The following CSMD1 variants were observed in gnomAD, a reference collection of about 807,000 sequenced individuals.
CSMD1 encodes the protein CUB and Sushi multiple domains 1, also known as CUB and sushi domain-containing protein 1.
CSMD1 carries 213 observed loss-of-function variants against 417.5 expected under a neutral mutation model. The observed-to-expected ratio is 0.51, with a 90% confidence interval of 0.46 to 0.57. The LOEUF (loss-of-function observed/expected upper bound fraction) is 0.57, where lower values mean the gene tolerates loss of function less well. CSMD1 is among the 20% of genes least tolerant of loss of function. The pLI, the probability that CSMD1 is intolerant of heterozygous loss-of-function variation, is 0.00. For synonymous variants in CSMD1, 2,862 were observed against 1,736.8 expected (o/e 1.65, Z -16.11); for missense variants, 6,923 against 4,529.7 (o/e 1.53, Z -15.17).
chr8:3,951,596 G>C (rs1203698314), intron 5 of CSMD1, among the ~76,000 whole-genome samples: 1 of 152,018 alleles, frequency 6.6e-6, no homozygotes, highest in Admixed American at 6.6e-5. Flanking sequence ...AACAACGAGA[G>C]AAATACTACT....
chr8:3,487,955 A>G (rs1818152422), intron 11 of CSMD1, among the ~76,000 whole-genome samples: 1 of 152,010 alleles, frequency 6.6e-6, no homozygotes, highest in African/African-American at 2.4e-5. Flanking sequence ...AGAGATGTGT[A>G]TTTTATGAGT....
intron 3 of CSMD1, among the ~76,000 whole-genome samples, chr8:4,069,024 G>C (rs897207960): frequency 1.3e-5 from 2 of 152,066 alleles, no homozygotes; most frequent in African/African-American, 4.8e-5. Flanking sequence ...TTTTTACTTT[G>C]CTTATGTTTT....
chr8:4,412,071 A>G (rs17070165), intron 3 of CSMD1, among the ~76,000 whole-genome samples: 1,734 of 152,118 alleles, frequency 0.011, 11 homozygotes, highest in Middle Eastern at 0.051. Context: ...TATAGTTCAG[A>G]TATTTCTCAA....
intron 36 of CSMD1, among the ~76,000 whole-genome samples, chr8:3,187,115 G>C (rs903412118): frequency 1.3e-5 from 2 of 152,212 alleles, no homozygotes. Context: ...CTCAGGAAAT[G>C]TGGGCAACTG....
intron 3 of CSMD1, among the ~76,000 whole-genome samples, chr8:4,379,236 A>C (rs1802945851): frequency 6.6e-6 from 1 of 152,184 alleles, no homozygotes; most frequent in Non-Finnish European, 1.5e-5. Context: ...AAATATCAGA[A>C]AGCCTCAACA....
At chr8:4,555,368 C>T (rs1054728793) in intron 2 of CSMD1, among the ~76,000 whole-genome samples, 18 of 151,978 alleles carry the variant, frequency 1.2e-4, no homozygotes, top group African/African-American at 4.1e-4. Context: ...ATGGGAGGGA[C>T]GGGGAATGTC....
At chr8:3,735,162 G>C (rs896192164) in intron 6 of CSMD1, among the ~76,000 whole-genome samples, 12 of 152,208 alleles carry the variant, frequency 7.9e-5, no homozygotes, top group Non-Finnish European at 1.5e-4. Flanking sequence ...ACATTCCCAA[G>C]TCATATTTCC....
chr8:3,466,352 C>A (rs1035798811), intron 12 of CSMD1, among the ~76,000 whole-genome samples: 1 of 152,158 alleles, frequency 6.6e-6, no homozygotes, highest in South Asian at 2.1e-4. Context: ...AATCAGGCAA[C>A]ATCAAAACGT....
At chr8:4,418,889 C>G (rs1554469971) in intron 3 of CSMD1, among the ~76,000 whole-genome samples, 3 of 152,096 alleles carry the variant, frequency 2.0e-5, no homozygotes, top group South Asian at 2.1e-4. Flanking sequence ...GAGGCAGAAT[C>G]GCAGACCATT....
intron 8 of CSMD1, among the ~76,000 whole-genome samples, chr8:3,605,580 T>A (rs1801572889): frequency 6.6e-6 from 1 of 152,096 alleles, no homozygotes; most frequent in African/African-American, 2.4e-5. Flanking sequence ...TATTATGTAA[T>A]TTTTTTCCTT....
chr8:4,102,065 G>C (rs928831422), intron 3 of CSMD1, among the ~76,000 whole-genome samples: 3 of 152,140 alleles, frequency 2.0e-5, no homozygotes, highest in Non-Finnish European at 4.4e-5. Flanking sequence ...AGATCAGCAA[G>C]TTTTACCTGC....
intron 1 of CSMD1, among the ~76,000 whole-genome samples, chr8:4,901,194 A>G (rs1319819874): frequency 6.6e-6 from 1 of 152,178 alleles, no homozygotes; most frequent in Non-Finnish European, 1.5e-5. Flanking sequence ...GTATAGATCA[A>G]CCTCTTTTAT....
intron 1 of CSMD1, among the ~76,000 whole-genome samples, chr8:4,937,929 T>A (rs1363483795): frequency 6.6e-6 from 1 of 152,214 alleles, no homozygotes; most frequent in African/African-American, 2.4e-5. Context: ...GCTACCTACT[T>A]ATCTAAATTT....
intron 2 of CSMD1, among the ~76,000 whole-genome samples, chr8:4,535,794 A>G (rs541374030): frequency 2.6e-5 from 4 of 152,316 alleles, no homozygotes; most frequent in East Asian, 1.9e-4. Context: ...CAGTGGAGCT[A>G]TAAAAATATT....
chr8:3,506,428 A>C (rs1297104716), intron 10 of CSMD1, among the ~76,000 whole-genome samples: 1 of 152,232 alleles, frequency 6.6e-6, no homozygotes, highest in Non-Finnish European at 1.5e-5. Context: ...AAGGTGCCGA[A>C]TGGGTAAGTA....
intron 1 of CSMD1, among the ~76,000 whole-genome samples, chr8:4,814,426 T>C (rs957077851): frequency 3.3e-5 from 5 of 152,166 alleles, no homozygotes; most frequent in African/African-American, 9.7e-5. Flanking sequence ...TTGTTATTTT[T>C]AGTAGAAACA....
chr8:3,830,662 TCA>T (rs1421655730), intron 5 of CSMD1, among the ~76,000 whole-genome samples: 7 of 152,130 alleles, frequency 4.6e-5, no homozygotes, highest in African/African-American at 1.4e-4. Flanking sequence ...GCCTAGGAAT[TCA>T]CACTCAGAAA....
chr8:3,466,512 C>A (rs1459516094), intron 12 of CSMD1, among the ~76,000 whole-genome samples: 1 of 151,376 alleles, frequency 6.6e-6, no homozygotes, highest in Non-Finnish European at 1.5e-5. Flanking sequence ...CGGGTTCAAG[C>A]GATTCTTCTG....
At chr8:3,036,607 G>A (rs952986449) in intron 50 of CSMD1, among the ~76,000 whole-genome samples, 3 of 152,122 alleles carry the variant, frequency 2.0e-5, no homozygotes, top group Admixed American at 6.5e-5. Context: ...CTGGACACGC[G>A]AGAGAAAAAC....
Sources: allele counts gnomAD v4.1 joint callset (sites outside exome capture counted in the v4.1 genomes callset), GRCh38; gene constraint gnomAD v4.1.1; transcripts MANE v1.5; gene names NCBI Gene and HGNC (gene_info 2026-07-23, HGNC 2026-07-21).